NEO1: variants seen among roughly 807,000 people sequenced by gnomAD.
NEO1 encodes neogenin 1, also known as neogenin.
A neutral mutation model predicts 159.7 loss-of-function variants in NEO1; 63 were observed. That is an observed-to-expected ratio of 0.39 (90% CI 0.32 to 0.49). The LOEUF is 0.49. Among genes scored for constraint, NEO1 ranks in the 20% least tolerant of loss-of-function variants. The probability of loss-of-function intolerance (pLI) is 0.85; values close to 1 mark genes in which losing one functional copy is unlikely to be tolerated. For missense variants in NEO1, 1,615 were observed against 1,831.0 expected (o/e 0.88, Z 2.15); for synonymous variants, 633 against 662.0 (o/e 0.96, Z 0.67).
At chr15:73,267,452 A>G (rs992960112) in intron 16 of NEO1, among the ~76,000 whole-genome samples, 2 of 151,720 alleles carry the variant, frequency 1.3e-5, no homozygotes, top group African/African-American at 4.8e-5. Context: ...GGTTTGTTAC[A>G]TATGTATACA....
At chr15:73,175,325 C>T (rs1484512716) in intron 5 of NEO1, among the ~76,000 whole-genome samples, 1 of 152,058 alleles carries the variant, frequency 6.6e-6, no homozygotes, top group African/African-American at 2.4e-5. Flanking sequence ...ATTTAAAGTA[C>T]CACTTAGAAT....
At chr15:73,283,911 G>A (rs1453332986) in intron 23 of NEO1, among the ~76,000 whole-genome samples, 2 of 151,634 alleles carry the variant, frequency 1.3e-5, no homozygotes, top group Admixed American at 1.3e-4. Flanking sequence ...TAGAGTTGGG[G>A]GTGGGGGTAG....
chr15:73,271,675 G>T (rs2041174859), intron 18 of NEO1, among the ~76,000 whole-genome samples: 1 of 152,180 alleles, frequency 6.6e-6, no homozygotes, highest in Non-Finnish European at 1.5e-5. Context: ...GGGAGGCCAT[G>T]GTGGGCGGAT....
rs188714814 is a variant in NEO1, at chr15:73,112,837, A to G, written c.131-3703A>G. Among the ~76,000 whole-genome samples, 15 of 152,300 alleles carry G rather than the reference A, an allele frequency of 9.8e-5. No homozygotes were observed. The East Asian group carries it at 2.1e-3, about 22-fold the overall frequency. Reference sequence around the variant, plus strand: ...AATGAGTGGTTATTATGTAGAAAATATTTCGAACATTATCTGGTACATAGA... The same window carrying G: ...AATGAGTGGTTATTATGTAGAAAATGTTTCGAACATTATCTGGTACATAGA... On this transcript the variant is annotated intron_variant, in intron 1 of 28. Transcript: ENST00000261908.
intron 4 of NEO1, among the ~76,000 whole-genome samples, chr15:73,134,096 A>G (rs1250619730): frequency 6.6e-6 from 1 of 152,184 alleles, no homozygotes; most frequent in East Asian, 1.9e-4. Flanking sequence ...TTAGTAGTAA[A>G]TTTTATCCAG....
At chr15:73,292,206 T>C (rs779604581) in intron 25 of NEO1, among the ~76,000 whole-genome samples, 2 of 152,166 alleles carry the variant, frequency 1.3e-5, no homozygotes, top group Non-Finnish European at 2.9e-5. Flanking sequence ...AGCTGGAAAG[T>C]AAAGGCACCC....
At chr15:73,188,148 A>G (rs190702636) in intron 7 of NEO1, among the ~76,000 whole-genome samples, 5 of 152,204 alleles carry the variant, frequency 3.3e-5, no homozygotes, top group Admixed American at 6.5e-5. Flanking sequence ...AAAGTCATCA[A>G]TGTTATATCT....
rs183326652 is a variant in NEO1 at position 73,144,406 on chromosome 15, T to C, written c.1015+8379T>C. On this transcript the variant is annotated intron_variant, in intron 5 of 28. Coordinates refer to ENST00000261908, the MANE Select transcript of NEO1 (RefSeq NM_002499.4). ...TTAAAAACTCTTACACATTTATTAC[T>C]GTCATGATTCAAAGCTAAGTGCATT... 3.3e-3 allele frequency among the ~76,000 whole-genome samples: 507 copies of C among 152,346 alleles called. 2 individuals carry two copies. Among genetic ancestry groups the C allele is most frequent in the Admixed American group, 5.1e-3 (78 of 15,304 alleles).
intron 26 of NEO1, among the ~76,000 whole-genome samples, chr15:73,295,910 C>G (rs918151472): frequency 2.0e-5 from 3 of 152,168 alleles, no homozygotes; most frequent in Admixed American, 6.5e-5. Context: ...CTTTAAGAGG[C>G]AAGTCAGTCA....
At chr15:73,121,525 T>C (rs1271292502) in intron 2 of NEO1, among the ~76,000 whole-genome samples, 6 of 152,194 alleles carry the variant, frequency 3.9e-5, no homozygotes, top group African/African-American at 1.4e-4. Flanking sequence ...CTTTTGTTAG[T>C]TAATAATGAG....
At chr15:73,224,024 G>A (rs2038436768) in intron 7 of NEO1, among the ~76,000 whole-genome samples, 1 of 152,190 alleles carries the variant, frequency 6.6e-6, no homozygotes, top group Non-Finnish European at 1.5e-5. Context: ...GCATTTGCTT[G>A]TCTGGAAAAG....
chr15:73,264,223 T>C (rs950047098), intron 15 of NEO1, among the ~76,000 whole-genome samples: 1 of 152,086 alleles, frequency 6.6e-6, no homozygotes, highest in African/African-American at 2.4e-5. Flanking sequence ...GTGACCAGCT[T>C]CATACTGTTT....
chr15:73,140,057 T>C (rs1440256096), intron 5 of NEO1, among the ~76,000 whole-genome samples: 1 of 152,238 alleles, frequency 6.6e-6, no homozygotes, highest in Non-Finnish European at 1.5e-5. Flanking sequence ...TTTGAAAAAG[T>C]GGTTGTCGTT....
intron 7 of NEO1, among the ~76,000 whole-genome samples, chr15:73,178,937 A>G (rs1014909978): frequency 1.3e-5 from 2 of 152,164 alleles, no homozygotes; most frequent in African/African-American, 2.4e-5. Context: ...AGTTAAAATC[A>G]TAGGCAGTAG....
intron 2 of NEO1, among the ~76,000 whole-genome samples, chr15:73,121,198 A>G (rs1213099912): frequency 6.6e-6 from 1 of 152,202 alleles, no homozygotes. Context: ...AGTAAAAACC[A>G]AAAGCAGAGT....
At chr15:73,064,969 G>A (rs1262799287) in intron 1 of NEO1, among the ~76,000 whole-genome samples, 3 of 151,790 alleles carry the variant, frequency 2.0e-5, no homozygotes, top group African/African-American at 7.3e-5. Flanking sequence ...TGCCTTCCTT[G>A]GATTATTTTA....
intron 1 of NEO1, among the ~76,000 whole-genome samples, chr15:73,066,035 C>A (rs370569091): frequency 7.2e-6 from 1 of 139,766 alleles, no homozygotes; most frequent in Non-Finnish European, 1.6e-5. Context: ...TCTTTCTTTT[C>A]TTTTTTTTTT....
intron 7 of NEO1, among the ~76,000 whole-genome samples, chr15:73,218,320 C>T (rs4542625): frequency 0.84 from 121,648 of 144,830 alleles, 52,513 homozygotes; most frequent in Non-Finnish European, 0.93. Flanking sequence ...CTGCTGGATT[C>T]GGTTTGCCAG....
intron 5 of NEO1, among the ~76,000 whole-genome samples, chr15:73,164,530 C>T (rs2034435305): frequency 6.6e-6 from 1 of 152,124 alleles, no homozygotes; most frequent in African/African-American, 2.4e-5. Context: ...TTCTTATTTC[C>T]TTAAATTAGC....
Sources: allele counts gnomAD v4.1 joint callset (sites outside exome capture counted in the v4.1 genomes callset), GRCh38; gene constraint gnomAD v4.1.1; transcripts MANE v1.5; gene names NCBI Gene and HGNC (gene_info 2026-07-23, HGNC 2026-07-21).